Variants in MARF1 observed in about 807,000 individuals in gnomAD.
MARF1 encodes the protein meiosis regulator and mRNA stability factor 1, also known as limkain-b1.
A neutral mutation model predicts 168.2 loss-of-function variants in MARF1; 24 were observed. The observed-to-expected ratio is 0.14, with a 90% CI of 0.10 to 0.20. The LOEUF is 0.20. Ranked by LOEUF, MARF1 falls within the 10% of genes least tolerant of loss-of-function variation. MARF1 has a pLI of 1.00. For synonymous variants in MARF1, 868 were observed against 822.4 expected, an observed-to-expected ratio of 1.06 and a Z score of -0.95; for missense variants, 1,744 against 2,143.6, an observed-to-expected ratio of 0.81 and a Z score of 3.68.
chr16:15,621,101 A>G (rs1319487236), intron 12 of MARF1, among the ~76,000 whole-genome samples: 1 of 147,022 alleles, frequency 6.8e-6, no homozygotes, highest in African/African-American at 2.5e-5. Flanking sequence ...TCTGAGAACA[A>G]CAACAAAAAA....
chr16:15,630,577 G>C, intron 6 of MARF1, 73 bp from the exon 7 acceptor site: 2 of 1,347,004 alleles, frequency 1.5e-6, no homozygotes, highest in Non-Finnish European at 2.0e-6. Flanking sequence ...CAACTCTATT[G>C]ACACCCACTG....
At chr16:15,631,065 G>C (rs986634177) in intron 6 of MARF1, among the ~76,000 whole-genome samples, 4 of 152,170 alleles carry the variant, frequency 2.6e-5, no homozygotes, top group Non-Finnish European at 4.4e-5. Context: ...GGGAGGCGGA[G>C]GTTGCAGTGA....
chr16:15,609,558 G>A lies in MARF1; in HGVS notation c.3919C>T (p.Leu1307Phe), dbSNP rs762036995. 3.7e-6 allele frequency: 6 copies of A among 1,614,126 alleles called. No individual in the cohort carries two copies. In the South Asian group the frequency reaches 6.6e-5, roughly 18 times the overall value. The change falls in exon 20 of 27, where the codon CTT (leucine) becomes TTT (phenylalanine). Residue 1307 changes from leucine to phenylalanine, a missense_variant. Physicochemically the swap from Leu to Phe is conservative, Grantham distance 22 (BLOSUM62 0). Transcript: ENST00000396368. The stretch of plus-strand genomic sequence containing the variant: ...TCAGGTATGGCTTCAAAAAGTTCAA[G>A]TAGTTTGGTAAACCCATAGTACGCA... ...KLAYYGFTKLLELFEAIPDTL... is the reference protein window; with the variant it reads ...KLAYYGFTKLFELFEAIPDTL...
At chr16:15,617,661 G>A (rs1567557672) in intron 13 of MARF1, 126 bp from the exon 14 acceptor site, 1 of 678,084 alleles carries the variant, frequency 1.5e-6, no homozygotes, top group Non-Finnish European at 2.5e-6. Flanking sequence ...AGGTAAAACT[G>A]GAATAATTCT....
Position 15,623,093 on chromosome 16 carries a change from T to C in MARF1, c.2301A>G (p.Ala767=), listed in dbSNP as rs775155495. ...TTGCAATGTTGAAAGCAAGCGGGGATGCTCTGTTTAAAAGGTTTGGAGACA... is the reference window on the plus strand; with the variant it reads ...TTGCAATGTTGAAAGCAAGCGGGGACGCTCTGTTTAAAAGGTTTGGAGACA... ...RSMSPNLLNR[A]SPLAFNIANS... The change falls in exon 11 of 27, where the codon GCA becomes GCG. Residue 767 remains alanine (A), a synonymous_variant. Transcript: ENST00000396368. 12 of 1,606,296 alleles carry C rather than the reference T, an allele frequency of 7.5e-6. No homozygotes were observed. The South Asian group carries it at 1.2e-4, about 16-fold the overall frequency.
intron 15 of MARF1, 38 bp downstream of exon 15, chr16:15,617,014 T>C: frequency 8.2e-6 from 13 of 1,594,964 alleles, no homozygotes; most frequent in Non-Finnish European, 1.0e-5. Context: ...AAAGCAGAAC[T>C]AGGGCATTAT....
At chr16:15,641,971 A>T (rs960839690) in intron 1 of MARF1, among the ~76,000 whole-genome samples, 1 of 152,174 alleles carries the variant, frequency 6.6e-6, no homozygotes, top group Non-Finnish European at 1.5e-5. Flanking sequence ...CAATGAGGAG[A>T]GCATAGGCTC....
chr16:15,625,205 T>C (rs2151215019), intron 8 of MARF1, 32 bp from the exon 9 acceptor site: 10 of 1,606,098 alleles, frequency 6.2e-6, no homozygotes, highest in Non-Finnish European at 8.5e-6. Context: ...GGGGTTTAAA[T>C]TTTAAGTACC....
At chr16:15,617,213 G>A (rs758297696) in intron 14 of MARF1, 42 bp from the exon 15 acceptor site, 3 of 1,610,368 alleles carry the variant, frequency 1.9e-6, no homozygotes, top group Non-Finnish European at 1.7e-6. Context: ...CATTCCGCAG[G>A]GGTCTAAGAT....
intron 23 of MARF1, 167 bp downstream of exon 23, chr16:15,601,824 G>C (rs1340013935): frequency 9.1e-6 from 6 of 655,772 alleles, no homozygotes; most frequent in African/African-American, 1.8e-5. Flanking sequence ...AAAGAATCAA[G>C]GAGAAATGCT....
rs1452479856 is a variant in MARF1 at position 15,609,595 on chromosome 16, C to T, written c.3882G>A (p.Arg1294=). The T allele has an allele frequency of 6.2e-7, 1 of 1,614,116 alleles. No homozygotes were observed. Among genetic ancestry groups the T allele is most frequent in the South Asian group, 1.1e-5 (1 of 91,078 alleles). The part of the protein sequence containing the change: ...FIPSYHHHFG[R]QCKLAYYGFT... Reference sequence around the variant, plus strand: ...ACCCATAGTACGCAAGTTTGCACTGCCGGCCAAAGTGGTGATGGTAAGAAG... The same window carrying T: ...ACCCATAGTACGCAAGTTTGCACTGTCGGCCAAAGTGGTGATGGTAAGAAG... Residue 1294 remains arginine, a synonymous_variant, in exon 20 of 27, where the codon CGG becomes CGA. Coordinates refer to ENST00000396368, the MANE Select transcript of MARF1 (RefSeq NM_014647.4).
rs141460305 is a variant in MARF1, at chr16:15,620,637, C to A, written c.2640-106G>T. 3.7e-4 allele frequency: 251 copies of A among 669,512 alleles called. 2 individuals are homozygous for A. In the East Asian group the frequency reaches 5.9e-3, roughly 16 times the overall value. The allele number at this position is 669,512 out of a possible 1,614,324, so 41.5% of individuals were successfully genotyped here. A position where few individuals can be genotyped will look rare whatever the true frequency, so the allele number is the denominator to read the frequency against. ...CCAGTGCATATGCAAAATAAATTTACGGATTTCTGGTATGTCAGAATGTAT... is the reference window on the plus strand; with the variant it reads ...CCAGTGCATATGCAAAATAAATTTAAGGATTTCTGGTATGTCAGAATGTAT... On this transcript the variant is annotated intron_variant, in intron 12 of 26. Transcript: ENST00000396368.
intron 20 of MARF1, 97 bp downstream of exon 20, chr16:15,609,426 T>C: frequency 2.1e-6 from 2 of 954,594 alleles, no homozygotes; most frequent in South Asian, 3.4e-5. Flanking sequence ...CTTTCGTAAC[T>C]CCCTACTTCC....
chr16:15,618,453 T>G (rs1037110708), intron 13 of MARF1, among the ~76,000 whole-genome samples: 1 of 152,184 alleles, frequency 6.6e-6, no homozygotes, highest in Non-Finnish European at 1.5e-5. Context: ...CCCGAGTCTC[T>G]CAGCCCCTTC....
Position 15,633,253 on chromosome 16 carries a change from G to C in MARF1, c.1233+364C>G, listed in dbSNP as rs563869999. 2.0e-5 allele frequency among the ~76,000 whole-genome samples: 3 copies of C among 151,366 alleles called. No individual in the cohort carries two copies. In the South Asian group the frequency reaches 6.3e-4, roughly 32 times the overall value. On this transcript the variant is annotated intron_variant, in intron 5 of 26. Transcript: ENST00000396368. ...AGGCAAGAGGACTGCTTGATCCCAG[G>C]AGTTTGAGACAAGCCTCCACCACCT...
chr16:15,629,141 G>A (rs901015582), intron 7 of MARF1, among the ~76,000 whole-genome samples: 4 of 151,276 alleles, frequency 2.6e-5, no homozygotes, highest in Admixed American at 1.3e-4. Context: ...AAAAAACACC[G>A]TATTTACATA....
chr16:15,598,980 A>T lies in MARF1; in HGVS notation c.4858T>A (p.Ser1620Thr), dbSNP rs763216773. ...EQELLRLTDD[S>T]PVDLLCAPVP... ...GGCGCACACAGGAGGTCGACGGGGG[A>T]GTCGTCGGTCAGGCGGAGAAGCTCC... is the stretch of plus-strand genomic sequence containing the variant. Residue 1620 changes from serine to threonine, a missense_variant, in exon 26 of 27, where the codon TCC (serine) becomes ACC (threonine). Coordinates refer to ENST00000396368, the MANE Select transcript of MARF1 (RefSeq NM_014647.4). The T allele has an allele frequency of 6.2e-7, 1 of 1,611,880 alleles. No homozygotes were observed. The highest frequency in any genetic ancestry group is 1.7e-5 in the Admixed American group (1 of 59,710).
chr16:15,621,747 T>C lies in MARF1; in HGVS notation c.2625A>G (p.Ser875=). 1.9e-6 allele frequency: 3 copies of C among 1,613,828 alleles called. No individual in the cohort carries two copies. Among genetic ancestry groups the C allele is most frequent in the South Asian group, 2.2e-5 (2 of 91,038 alleles). The part of the protein sequence containing the change: ...VSLATGAASK[S]LSLLSAETMS... ...TTGTTTCTTACCTCAGTAAAGAGAG[T>C]GATTTGCTGGCAGCCCCGGTGGCAA... Residue 875 remains serine, a synonymous_variant, in exon 12 of 27, where the codon TCA becomes TCG. Coordinates refer to ENST00000396368, the MANE Select transcript of MARF1 (RefSeq NM_014647.4).
At chr16:15,623,172 AT>A in intron 10 of MARF1, 49 bp from the exon 11 acceptor site, 1 of 1,401,468 alleles carries the variant, frequency 7.1e-7, no homozygotes, top group Non-Finnish European at 9.6e-7. Flanking sequence ...TGTTCTGTAT[AT>A]TTAGATTTTA....
Sources: allele counts gnomAD v4.1 joint callset (sites outside exome capture counted in the v4.1 genomes callset), GRCh38; gene constraint gnomAD v4.1.1; transcripts MANE v1.5; gene names NCBI Gene and HGNC (gene_info 2026-07-23, HGNC 2026-07-21).